The following MBNL3 variants were observed in gnomAD, a reference collection of about 807,000 sequenced individuals.
MBNL3 encodes the protein muscleblind-like protein 3.
Under a neutral mutation model 24.5 loss-of-function variants are expected in MBNL3, and 6 were observed. That is an observed-to-expected ratio of 0.25 (90% confidence interval 0.13 to 0.48). The LOEUF (loss-of-function observed/expected upper bound fraction) is 0.48, where lower values mean the gene tolerates loss of function less well. Among genes scored for constraint, MBNL3 ranks in the 20% least tolerant of loss-of-function variants. MBNL3 has a pLI of 0.99. For synonymous variants in MBNL3, 100 were observed against 101.7 expected (o/e 0.98, Z 0.10); for missense variants, 230 against 293.5 (o/e 0.78, Z 1.58).
intron 2 of MBNL3, among the ~76,000 whole-genome samples, chrX:132,436,028 A>C (rs1452958368): frequency 8.9e-6 from 1 of 112,353 alleles, no homozygotes; most frequent in East Asian, 2.8e-4. Flanking sequence ...CGTTTTAAAA[A>C]TGATGACCCT....
At position 132,375,822 on chromosome X, in the gene MBNL3, A is replaced by G. The variant is rs1035281318; in HGVS notation, c.*3844T>C. The G allele has an allele frequency of 6.3e-5, 7 of 111,713 alleles. No homozygotes were observed. Among genetic ancestry groups the G allele is most frequent in the Non-Finnish European group, 1.1e-4 (6 of 52,991 alleles). 9.2% of individuals were successfully genotyped at this position (111,713 alleles called of 1,213,427 possible). A position where few individuals can be genotyped will look rare whatever the true frequency, so the allele number is the denominator to read the frequency against. The stretch of plus-strand genomic sequence containing the variant: ...ACCCTACAGACTAAAGGAACTCGGA[A>G]AACTTGTGGCTGCATTTTACCTAAG... On this transcript the variant is annotated 3_prime_UTR_variant, in exon 9 of 9. Transcript: ENST00000370853.
intron 1 of MBNL3, among the ~76,000 whole-genome samples, chrX:132,477,665 TGGCCAGACTTCTAA>T (rs201649552): frequency 0.021 from 2,375 of 111,391 alleles, 24 homozygotes; most frequent in Non-Finnish European, 0.032. Flanking sequence ...ATGCACAAAT[TGGCCAGACTTCTAA>T]GGCCAGACTT....
At chrX:132,399,463 T>TA (rs932371666) in intron 3 of MBNL3, among the ~76,000 whole-genome samples, 3 of 110,879 alleles carry the variant, frequency 2.7e-5, no homozygotes, top group African/African-American at 9.8e-5. Flanking sequence ...ATACTATAGA[T>TA]AAAAATATGT....
intron 5 of MBNL3, among the ~76,000 whole-genome samples, chrX:132,387,274 G>GAAAAA (rs1230246022): frequency 4.4e-5 from 1 of 22,629 alleles, no homozygotes; most frequent in East Asian, 1.0e-3. Flanking sequence ...CCTGTCTCAA[G>GAAAAA]AAAAAAAAAA....
chrX:132,378,252 A>C lies in MBNL3; in HGVS notation c.*1414T>G, dbSNP rs913964298. The stretch of plus-strand genomic sequence containing the variant: ...TGAACTGTTTAACAAAACGAAACTC[A>C]GTTGAACCGAAGCTAAAGACAACTA... On this transcript the variant is annotated 3_prime_UTR_variant, in exon 9 of 9. Transcript: ENST00000370853. 1 of 111,468 alleles carries C rather than the reference A, an allele frequency of 9.0e-6. No individual in the cohort carries two copies. 9.2% of individuals were successfully genotyped at this position (111,468 alleles called of 1,213,427 possible). A position where few individuals can be genotyped will look rare whatever the true frequency, so the allele number is the denominator to read the frequency against.
chrX:132,408,417 A>G lies in MBNL3; in HGVS notation c.178-2025T>C, dbSNP rs369574543. Among the ~76,000 whole-genome samples the G allele has an allele frequency of 1.7e-4, 19 of 109,985 alleles. No homozygotes were observed. The East Asian group carries it at 4.6e-3, about 27-fold the overall frequency. Reference sequence around the variant, plus strand: ...AGCGTGGAACACAATTTTTAACTCCAAAACAACTATATAATGAAGACTGTC... The same window carrying G: ...AGCGTGGAACACAATTTTTAACTCCGAAACAACTATATAATGAAGACTGTC... On this transcript the variant is annotated intron_variant, in intron 2 of 8. Transcript: ENST00000370853.
rs1933904514 is a variant in MBNL3, at chrX:132,374,243, A to G, written c.*5423T>C. 1.8e-5 allele frequency: 2 copies of G among 110,900 alleles called. No homozygotes were observed. The highest frequency in any genetic ancestry group is 6.5e-5 in the African/African-American group (2 of 30,541). 9.1% of individuals were successfully genotyped at this position (110,900 alleles called of 1,213,427 possible). A position where few individuals can be genotyped will look rare whatever the true frequency, so the allele number is the denominator to read the frequency against. The stretch of plus-strand genomic sequence containing the variant: ...TAATACATGAGGTATTTCACTGCTT[A>G]CAACCACTGAAAAAGGAAAACTTGT... On this transcript the variant is annotated 3_prime_UTR_variant, in exon 9 of 9. Coordinates refer to ENST00000370853, the MANE Select transcript of MBNL3 (RefSeq NM_001386889.1).
At chrX:132,429,508 C>G (rs1379607545) in intron 2 of MBNL3, among the ~76,000 whole-genome samples, 1 of 112,012 alleles carries the variant, frequency 8.9e-6, no homozygotes, top group Non-Finnish European at 1.9e-5. Flanking sequence ...AAAAATTCTT[C>G]TCTTCTGCCT....
chrX:132,397,627 G>A (rs755993450), intron 3 of MBNL3, among the ~76,000 whole-genome samples: 13 of 111,175 alleles, frequency 1.2e-4, no homozygotes, highest in South Asian at 3.7e-4. Flanking sequence ...TTTTACTAGC[G>A]TCATAATATC....
chrX:132,401,398 G>A (rs1379707933), intron 3 of MBNL3, among the ~76,000 whole-genome samples: 1 of 110,302 alleles, frequency 9.1e-6, no homozygotes, highest in Non-Finnish European at 1.9e-5. Flanking sequence ...TGGGAAATCA[G>A]TACCAGACTG....
intron 1 of MBNL3, among the ~76,000 whole-genome samples, chrX:132,465,329 A>C (rs1399920908): frequency 8.9e-6 from 1 of 111,845 alleles, no homozygotes. Context: ...TTACACTATG[A>C]ATGGTACAAA....
At chrX:132,471,773 G>A (rs1389349246) in intron 1 of MBNL3, among the ~76,000 whole-genome samples, 1 of 112,054 alleles carries the variant, frequency 8.9e-6, no homozygotes, top group Admixed American at 9.4e-5. Context: ...AAGATGTTCC[G>A]ATGTTTATTT....
chrX:132,487,376 C>A (rs982039294), intron 1 of MBNL3, among the ~76,000 whole-genome samples: 1 of 112,136 alleles, frequency 8.9e-6, no homozygotes, highest in African/African-American at 3.2e-5. Context: ...CCACATACTT[C>A]TTTCAAGAAT....
At chrX:132,462,586 G>A (rs1315627460) in intron 1 of MBNL3, among the ~76,000 whole-genome samples, 1 of 111,855 alleles carries the variant, frequency 8.9e-6, no homozygotes, top group African/African-American at 3.3e-5. Flanking sequence ...GACATTTTCA[G>A]AGACCAAAGA....
At chrX:132,473,615 C>T (rs759577367) in intron 1 of MBNL3, among the ~76,000 whole-genome samples, 1 of 110,612 alleles carries the variant, frequency 9.0e-6, no homozygotes, top group African/African-American at 3.3e-5. Context: ...AACACACGCA[C>T]ACACACACAC....
At chrX:132,439,099 A>G (rs1482711242) in intron 2 of MBNL3, among the ~76,000 whole-genome samples, 3 of 110,559 alleles carry the variant, frequency 2.7e-5, no homozygotes, top group Non-Finnish European at 5.7e-5. Context: ...ATCATATACA[A>G]AAAAGTAAAC....
At chrX:132,469,915 G>T (rs1324549402) in intron 1 of MBNL3, among the ~76,000 whole-genome samples, 1 of 111,495 alleles carries the variant, frequency 9.0e-6, no homozygotes, top group Non-Finnish European at 1.9e-5. Flanking sequence ...CTGCTTTCTT[G>T]TCCCTGAATT....
chrX:132,467,547 C>G (rs895597397), intron 1 of MBNL3, among the ~76,000 whole-genome samples: 10 of 112,103 alleles, frequency 8.9e-5, no homozygotes, highest in African/African-American at 2.9e-4. Flanking sequence ...GTGGATACAA[C>G]AGTCATATGT....
chrX:132,384,118 G>T (rs1467012859), intron 7 of MBNL3, among the ~76,000 whole-genome samples: 1 of 112,062 alleles, frequency 8.9e-6, no homozygotes, highest in Non-Finnish European at 1.9e-5. Flanking sequence ...AAATGATTCT[G>T]TTGTGCCTAG....
Sources: gnomAD v4.1 joint callset for allele counts (sites outside exome capture counted in the v4.1 genomes callset) on GRCh38, gnomAD v4.1.1 for gene constraint, MANE v1.5 for transcripts, NCBI Gene and HGNC (gene_info 2026-07-23, HGNC 2026-07-21) for gene names.